The following TM9SF2 variants were observed in gnomAD, a reference collection of about 807,000 sequenced individuals.
TM9SF2 encodes 76 kDa membrane protein.
Under a neutral mutation model 84.9 loss-of-function variants are expected in TM9SF2, and 13 were observed. The observed-to-expected ratio is 0.15, with a 90% confidence interval of 0.10 to 0.24. The LOEUF is 0.24. Among genes scored for constraint, TM9SF2 ranks in the 10% least tolerant of loss-of-function variants. TM9SF2 has a pLI of 1.00. For synonymous variants in TM9SF2, 273 were observed against 285.8 expected, an observed-to-expected ratio of 0.96 and a Z score of 0.45; for missense variants, 562 against 818.5, an observed-to-expected ratio of 0.69 and a Z score of 3.82.
chr13:99,543,806 C>G (rs2046270749), intron 9 of TM9SF2, 57 bp from the exon 10 acceptor site: 1 of 1,592,538 alleles, frequency 6.3e-7, no homozygotes, highest in South Asian at 1.1e-5. Flanking sequence ...AACAAACTGT[C>G]TATAGTTGTC....
In TM9SF2 at chr13:99,563,436, A is replaced by G. The variant is rs376833385; in HGVS notation, c.*678A>G. The G allele has an allele frequency of 1.2e-4, 18 of 152,326 alleles. No individual in the cohort carries two copies. Among genetic ancestry groups the G allele is most frequent in the African/African-American group, 3.1e-4 (13 of 41,588 alleles). 9.4% of individuals were successfully genotyped at this position (152,326 alleles called of 1,614,324 possible). On this transcript the variant is annotated 3_prime_UTR_variant, in exon 17 of 17. Coordinates refer to ENST00000376387, the MANE Select transcript of TM9SF2 (RefSeq NM_004800.3). Reference sequence around the variant, plus strand: ...TTATATATTCAAGGAGGTTCTGTAAATACAGATCTATTTACCAAGGTGTTT... The same window carrying G: ...TTATATATTCAAGGAGGTTCTGTAAGTACAGATCTATTTACCAAGGTGTTT...
At chr13:99,505,393 GA>G (rs2139066824) in intron 1 of TM9SF2, among the ~76,000 whole-genome samples, 1 of 152,312 alleles carries the variant, frequency 6.6e-6, no homozygotes, top group South Asian at 2.1e-4. Context: ...GCTCTCAGGT[GA>G]TTCACCCACT....
chr13:99,539,417 G>C, intron 6 of TM9SF2, 29 bp from the exon 7 acceptor site: 1 of 1,392,732 alleles, frequency 7.2e-7, no homozygotes. Context: ...TACTTTATCA[G>C]CATCTTGCCA....
At chr13:99,561,085 T>G (rs1316214094) in intron 16 of TM9SF2, among the ~76,000 whole-genome samples, 2 of 152,242 alleles carry the variant, frequency 1.3e-5, no homozygotes, top group African/African-American at 4.8e-5. Context: ...AACCAGTAAC[T>G]TATAGTGTAT....
chr13:99,538,205 G>A (rs935213171), intron 6 of TM9SF2, among the ~76,000 whole-genome samples: 1 of 152,164 alleles, frequency 6.6e-6, no homozygotes, highest in Non-Finnish European at 1.5e-5. Context: ...GATAATGTGT[G>A]GCTTTCCTCT....
intron 16 of TM9SF2, among the ~76,000 whole-genome samples, chr13:99,560,422 G>GT (rs1419113411): frequency 6.6e-6 from 1 of 152,156 alleles, no homozygotes; most frequent in African/African-American, 2.4e-5. Flanking sequence ...ACATGGTGGG[G>GT]TGCGTGTCTT....
At chr13:99,546,076 T>C (rs559737461) in intron 10 of TM9SF2, among the ~76,000 whole-genome samples, 1 of 152,320 alleles carries the variant, frequency 6.6e-6, no homozygotes, top group South Asian at 2.1e-4. Context: ...GGGGTTGCAT[T>C]TTAGCTGAAA....
At chr13:99,508,084 G>A (rs1051013693) in intron 1 of TM9SF2, among the ~76,000 whole-genome samples, 6 of 152,168 alleles carry the variant, frequency 3.9e-5, no homozygotes, top group Non-Finnish European at 8.8e-5. Context: ...AGACTGTAGA[G>A]TTCTAAATAA....
intron 2 of TM9SF2, among the ~76,000 whole-genome samples, chr13:99,518,027 A>G (rs2046142288): frequency 6.6e-6 from 1 of 152,060 alleles, no homozygotes; most frequent in Non-Finnish European, 1.5e-5. Context: ...CTACCTCCAC[A>G]TTTTTTCTCT....
intron 15 of TM9SF2, among the ~76,000 whole-genome samples, chr13:99,556,848 C>T (rs1003229295): frequency 1.3e-5 from 2 of 152,064 alleles, no homozygotes; most frequent in African/African-American, 2.4e-5. Flanking sequence ...GGCCTCCCAA[C>T]GTGCTGGGAT....
At chr13:99,508,279 TAGTCACATC>T (rs2046096829) in intron 1 of TM9SF2, among the ~76,000 whole-genome samples, 1 of 152,146 alleles carries the variant, frequency 6.6e-6, no homozygotes, top group African/African-American at 2.4e-5. Context: ...AAGTTCTTTC[TAGTCACATC>T]AGTGATAATC....
chr13:99,552,050 C>A, intron 12 of TM9SF2, 117 bp from the exon 13 acceptor site: 1 of 973,570 alleles, frequency 1.0e-6, no homozygotes, highest in Non-Finnish European at 1.5e-6. Flanking sequence ...TGTGATGCAG[C>A]AATTCCACTT....
chr13:99,547,430 A>G (rs933450335), intron 11 of TM9SF2, among the ~76,000 whole-genome samples: 2 of 152,214 alleles, frequency 1.3e-5, no homozygotes, highest in African/African-American at 2.4e-5. Context: ...ATAGACTAAT[A>G]AAGGAGAAAA....
intron 4 of TM9SF2, among the ~76,000 whole-genome samples, chr13:99,533,664 T>A (rs1481347287): frequency 2.0e-5 from 3 of 152,222 alleles, no homozygotes; most frequent in Admixed American, 6.5e-5. Flanking sequence ...TTTTTTTATT[T>A]GTTGTTGTTG....
At chr13:99,504,053 T>C (rs1460311969) in intron 1 of TM9SF2, among the ~76,000 whole-genome samples, 2 of 152,242 alleles carry the variant, frequency 1.3e-5, no homozygotes, top group African/African-American at 4.8e-5. Flanking sequence ...GCGATATGAC[T>C]AACTGGTGTA....
chr13:99,527,291 G>T (rs575847903), intron 3 of TM9SF2, among the ~76,000 whole-genome samples: 1 of 152,254 alleles, frequency 6.6e-6, no homozygotes, highest in South Asian at 2.1e-4. Flanking sequence ...AATACCAGAG[G>T]CTGGGTAACT....
chr13:99,562,818 T>G lies in TM9SF2; in HGVS notation c.*60T>G. On this transcript the variant is annotated 3_prime_UTR_variant, in exon 17 of 17. Transcript: ENST00000376387. ...ATTAAACTCTTCATCAACAAAGACC[T>G]GTTTTTGTGACTGCCTTGAGTTTTA... 3 of 1,515,140 alleles carry G rather than the reference T, an allele frequency of 2.0e-6. No homozygotes were observed. The highest frequency in any genetic ancestry group is 2.7e-6 in the Non-Finnish European group (3 of 1,101,358). The allele number at this position is 1,515,140 out of a possible 1,614,324, so 93.9% of individuals were successfully genotyped here. A position where few individuals can be genotyped will look rare whatever the true frequency, so the allele number is the denominator to read the frequency against.
chr13:99,509,186 C>T (rs1031955405), intron 1 of TM9SF2, among the ~76,000 whole-genome samples: 6 of 152,210 alleles, frequency 3.9e-5, no homozygotes, highest in African/African-American at 1.4e-4. Context: ...TTACAAGGTT[C>T]AACCCCCACA....
chr13:99,505,242 T>A (rs1274280085), intron 1 of TM9SF2, among the ~76,000 whole-genome samples: 1 of 147,116 alleles, frequency 6.8e-6, no homozygotes, highest in East Asian at 2.1e-4. Flanking sequence ...AACCTCCACC[T>A]CCTGAGTTTA....
Sources: allele counts gnomAD v4.1 joint callset (sites outside exome capture counted in the v4.1 genomes callset), GRCh38; gene constraint gnomAD v4.1.1; transcripts MANE v1.5; gene names NCBI Gene and HGNC (gene_info 2026-07-23, HGNC 2026-07-21).